Variants in EPRS1 observed in about 807,000 individuals in gnomAD.
EPRS1 encodes bifunctional glutamate/proline--tRNA ligase.
Under a neutral mutation model 188.3 loss-of-function variants are expected in EPRS1, and 107 were observed. The observed-to-expected ratio is 0.57, with a 90% CI of 0.49 to 0.67. The LOEUF (loss-of-function observed/expected upper bound fraction) is 0.67. Among genes scored for constraint, EPRS1 ranks in the 30% least tolerant of loss-of-function variants. EPRS1 has a pLI of 0.00. For synonymous variants in EPRS1, 596 were observed against 593.1 expected, an observed-to-expected ratio of 1.00 and a Z score of -0.07; for missense variants, 1,577 against 1,802.2, an observed-to-expected ratio of 0.88 and a Z score of 2.26.
chr1:220,020,474 C>T (rs1028262445), intron 9 of EPRS1, among the ~76,000 whole-genome samples: 9 of 152,214 alleles, frequency 5.9e-5, no homozygotes, highest in African/African-American at 2.2e-4. Context: ...TAGGTATTGG[C>T]TTGGCAAATT....
chr1:219,990,726 A>C (rs957937994), intron 18 of EPRS1, among the ~76,000 whole-genome samples: 4 of 152,184 alleles, frequency 2.6e-5, no homozygotes, highest in African/African-American at 7.2e-5. Context: ...ATTACTTTGA[A>C]TTTATCTCTT....
chr1:219,970,774 T>G (rs1219863645), intron 30 of EPRS1, among the ~76,000 whole-genome samples: 1 of 83,764 alleles, frequency 1.2e-5, no homozygotes, highest in African/African-American at 4.3e-5. Flanking sequence ...CAAGACCCTG[T>G]ACCAAAAAAA....
chr1:220,027,832 A>AAATT (rs918440821), intron 6 of EPRS1, among the ~76,000 whole-genome samples: 2 of 151,726 alleles, frequency 1.3e-5, no homozygotes, highest in Non-Finnish European at 2.9e-5. Flanking sequence ...AAAATACAAA[A>AAATT]AATTAATTAA....
intron 13 of EPRS1, among the ~76,000 whole-genome samples, chr1:220,008,107 C>CAAAAAAAA (rs55642831): frequency 1.5e-5 from 2 of 133,350 alleles, no homozygotes; most frequent in African/African-American, 5.7e-5. Context: ...ACTCCGTCAC[C>CAAAAAAAA]AAAAAAAAAA....
chr1:220,037,797 T>C (rs1468936270), intron 2 of EPRS1, among the ~76,000 whole-genome samples: 1 of 152,004 alleles, frequency 6.6e-6, no homozygotes, highest in African/African-American at 2.4e-5. Flanking sequence ...TGAAGTCACA[T>C]AGAAAAGTTC....
intron 6 of EPRS1, 53 bp from the exon 7 acceptor site, chr1:220,025,311 C>T: frequency 7.1e-7 from 1 of 1,413,260 alleles, no homozygotes; most frequent in Non-Finnish European, 9.6e-7. Context: ...TAACTAAATA[C>T]TTAAACTTAA....
chr1:219,988,853 T>C (rs2254494), intron 18 of EPRS1, 30 bp from the exon 19 acceptor site: 961,759 of 1,433,012 alleles, frequency 0.67, 326,796 homozygotes, highest in Non-Finnish European at 0.7. Flanking sequence ...GAGATATTTA[T>C]AAAACTTTGG....
intron 30 of EPRS1, among the ~76,000 whole-genome samples, chr1:219,971,060 T>A (rs1256867559): frequency 6.6e-6 from 1 of 152,124 alleles, no homozygotes; most frequent in Admixed American, 6.5e-5. Flanking sequence ...ATTCTCAGCA[T>A]GAATTTAAAA....
chr1:219,990,899 A>G (rs1661108208), intron 18 of EPRS1, among the ~76,000 whole-genome samples: 2 of 152,284 alleles, frequency 1.3e-5, no homozygotes, highest in South Asian at 4.1e-4. Context: ...AGTAGATTTT[A>G]AGTTGTTAGT....
chr1:220,005,059 G>A (rs535395824), intron 16 of EPRS1, among the ~76,000 whole-genome samples, 189 bp downstream of exon 16: 1 of 152,246 alleles, frequency 6.6e-6, no homozygotes, highest in East Asian at 1.9e-4. Context: ...TGTTCAATGT[G>A]CGTGTTGTTT....
intron 16 of EPRS1, among the ~76,000 whole-genome samples, chr1:220,001,860 C>T (rs1661359112): frequency 6.6e-6 from 1 of 151,406 alleles, no homozygotes; most frequent in African/African-American, 2.4e-5. Context: ...GAAACCCCAT[C>T]GCTACTAAAA....
rs562124790 is a variant in EPRS1, at chr1:219,996,703, A to G, written c.2541+280T>C. On this transcript the variant is annotated intron_variant, in intron 18 of 31. Transcript: ENST00000366923. Reference sequence around the variant, plus strand: ...CCTTTGTTGCCACTTAAGAACACAAACCCTTTACATAGCAACTTATACATA... The same window carrying G: ...CCTTTGTTGCCACTTAAGAACACAAGCCCTTTACATAGCAACTTATACATA... Among the ~76,000 whole-genome samples, 10 of 152,202 alleles carry G rather than the reference A, an allele frequency of 6.6e-5. No individual in the cohort carries two copies. The South Asian group carries it at 1.9e-3, about 28-fold the overall frequency.
At position 219,968,844 on chromosome 1, in the gene EPRS1, G is replaced by C. The variant is rs1336269992; in HGVS notation, c.4501C>G (p.Pro1501Ala). Reference protein sequence around the residue: ...PGAKCVCGKNPAKYYTLFGRS... With the variant: ...PGAKCVCGKNAAKYYTLFGRS... ...CCAAATAAGGTGTAGTACTTGGCAG[G>C]GTTCTTGCCACAGACACATTTGGCT... The change falls in exon 32 of 32, where the codon CCT (proline) becomes GCT (alanine). Residue 1501 changes from proline to alanine, a missense_variant. By Grantham distance (27) the Pro-to-Ala change is conservative (BLOSUM62 -1). This residue lies in a region of EPRS1 where 296 missense variants were observed against 327.9 expected (regional missense o/e 0.90). Coordinates refer to ENST00000366923, the MANE Select transcript of EPRS1 (RefSeq NM_004446.3). The C allele has an allele frequency of 2.5e-6, 4 of 1,614,124 alleles. No individual in the cohort carries two copies. Among genetic ancestry groups the C allele is most frequent in the East Asian group, 2.2e-5 (1 of 44,872 alleles).
chr1:220,005,013 T>C (rs937203938), intron 16 of EPRS1, among the ~76,000 whole-genome samples: 1 of 152,220 alleles, frequency 6.6e-6, no homozygotes, highest in African/African-American at 2.4e-5. Flanking sequence ...AAGTTAATTA[T>C]AAGAGGTTTA....
At position 219,984,191 on chromosome 1, in the gene EPRS1, T is replaced by G. The variant is rs1251086144; in HGVS notation, c.3090+15A>C. 1 of 1,604,452 alleles carries G rather than the reference T, an allele frequency of 6.2e-7. No individual in the cohort carries two copies. The highest frequency in any genetic ancestry group is 2.2e-5 in the East Asian group (1 of 44,804). On this transcript the variant is annotated intron_variant, in intron 21 of 31. Coordinates refer to ENST00000366923, the MANE Select transcript of EPRS1 (RefSeq NM_004446.3). Reference sequence around the variant, plus strand: ...ACAGACTTAAAACATAAAAATCAACTGAATGCATACTCACCTGAGAATACC... The same window carrying G: ...ACAGACTTAAAACATAAAAATCAACGGAATGCATACTCACCTGAGAATACC...
At chr1:220,044,711 A>AAAAAAT (rs1558064845) in intron 1 of EPRS1, among the ~76,000 whole-genome samples, 3 of 124,896 alleles carry the variant, frequency 2.4e-5, no homozygotes, top group Non-Finnish European at 5.1e-5. Context: ...AAAAAAAAAA[A>AAAAAAT]AACAGTATCA....
chr1:220,033,879 CTTT>C (rs56389209), intron 3 of EPRS1, among the ~76,000 whole-genome samples: 2 of 144,680 alleles, frequency 1.4e-5, no homozygotes, highest in Admixed American at 6.9e-5. Flanking sequence ...ATGCTTTCTG[CTTT>C]TTTTTTTTTT....
At chr1:219,987,101 T>C (rs1661020445) in intron 20 of EPRS1, 41 bp downstream of exon 20, 2 of 1,574,912 alleles carry the variant, frequency 1.3e-6, no homozygotes, top group Non-Finnish European at 1.7e-6. Context: ...ATTGAATTAA[T>C]TCACTGCTTT....
intron 5 of EPRS1, 40 bp downstream of exon 5, chr1:220,032,347 A>G (rs534604799): frequency 2.0e-6 from 3 of 1,529,898 alleles, no homozygotes; most frequent in Admixed American, 4.2e-5. Context: ...CAGCCTCCCA[A>G]AGTGTTTTTT....
Sources: gnomAD v4.1 joint callset for allele counts (sites outside exome capture counted in the v4.1 genomes callset) on GRCh38, gnomAD v4.1.1 for gene constraint, gnomAD v4.1.1 regional missense constraint, MANE v1.5 for transcripts, NCBI Gene and HGNC (gene_info 2026-07-23, HGNC 2026-07-21) for gene names.